Variants in SPAM1 observed in about 807,000 individuals in gnomAD.
SPAM1 encodes hyaluronidase PH-20.
In SPAM1, 22 loss-of-function variants were observed where a neutral mutation model predicts 29.6. The observed-to-expected ratio is 0.74, with a 90% CI of 0.53 to 1.06. The LOEUF is 1.06. Among genes scored for constraint, SPAM1 ranks in the 50% least tolerant of loss-of-function variants. The pLI is 0.00. For missense variants in SPAM1, 534 were observed against 604.0 expected (o/e 0.88, Z 1.21); for synonymous variants, 194 against 204.6 (o/e 0.95, Z 0.44).
intron 1 of SPAM1, among the ~76,000 whole-genome samples, chr7:123,943,748 T>C (rs943213406): frequency 4.6e-5 from 7 of 152,028 alleles, no homozygotes; most frequent in Non-Finnish European, 8.8e-5. Flanking sequence ...TATCACAAAA[T>C]AGGATTACAG....
chr7:123,959,220 T>A (rs1747396961), intron 4 of SPAM1, among the ~76,000 whole-genome samples: 1 of 151,978 alleles, frequency 6.6e-6, no homozygotes, highest in Admixed American at 6.6e-5. Context: ...ATGTTATGAA[T>A]TACAGAGGAC....
chr7:123,964,351 A>G (rs894117006), downstream of SPAM1, among the ~76,000 whole-genome samples: 3 of 152,060 alleles, frequency 2.0e-5, no homozygotes, highest in South Asian at 2.1e-4. Context: ...GGTGGAATAC[A>G]TAATTTTTAT....
intron 1 of SPAM1, among the ~76,000 whole-genome samples, chr7:123,928,662 G>C (rs1178414664): frequency 2.0e-5 from 3 of 152,152 alleles, no homozygotes; most frequent in Non-Finnish European, 2.9e-5. Flanking sequence ...GAAAAATCCA[G>C]TTCTTGATCT....
At chr7:123,930,264 A>G (rs1194060317) in intron 1 of SPAM1, among the ~76,000 whole-genome samples, 1 of 152,150 alleles carries the variant, frequency 6.6e-6, no homozygotes, top group Non-Finnish European at 1.5e-5. Flanking sequence ...GTTTTTCCAA[A>G]TCCATGGATT....
At chr7:123,940,683 T>TG (rs1159235017) in intron 1 of SPAM1, among the ~76,000 whole-genome samples, 3 of 152,020 alleles carry the variant, frequency 2.0e-5, no homozygotes, top group Non-Finnish European at 2.9e-5. Context: ...TTTTTAAACA[T>TG]GGGGGTCTTC....
At chr7:123,940,210 G>A (rs1291767841) in intron 1 of SPAM1, among the ~76,000 whole-genome samples, 2 of 151,772 alleles carry the variant, frequency 1.3e-5, no homozygotes, top group Admixed American at 1.3e-4. Context: ...GAAATTTAAA[G>A]TATATCAAGT....
At chr7:123,956,235 T>G (rs751171437) in intron 4 of SPAM1, among the ~76,000 whole-genome samples, 2 of 152,028 alleles carry the variant, frequency 1.3e-5, no homozygotes, top group African/African-American at 2.4e-5. Context: ...TTTTATATGA[T>G]TATTTTCTCC....
chr7:123,970,608 A>AATAATAATAATT (rs376690940), intron 6 of SPAM1, among the ~76,000 whole-genome samples: 2,990 of 147,184 alleles, frequency 0.02, 45 homozygotes, highest in East Asian at 0.036. Context: ...TAATAATAAT[A>AATAATAATAATT]ATTATTATTA....
At chr7:123,965,062 T>C (rs554996743) in intron 5 of SPAM1, among the ~76,000 whole-genome samples, 5 of 152,044 alleles carry the variant, frequency 3.3e-5, no homozygotes, top group Non-Finnish European at 5.9e-5. Context: ...TCTGATTTAA[T>C]TATTTTTTTT....
At chr7:123,945,555 C>A (rs1386956471) in intron 1 of SPAM1, among the ~76,000 whole-genome samples, 1 of 152,086 alleles carries the variant, frequency 6.6e-6, no homozygotes, top group Non-Finnish European at 1.5e-5. Context: ...GGAGAGCAGA[C>A]CTTTAGACCT....
At chr7:123,937,686 C>T (rs1808301054) in intron 1 of SPAM1, among the ~76,000 whole-genome samples, 2 of 150,512 alleles carry the variant, frequency 1.3e-5, no homozygotes, top group South Asian at 2.1e-4. Flanking sequence ...TTAGGAATTA[C>T]TGATGTATTT....
chr7:123,950,437 G>C (rs1403839604), intron 2 of SPAM1, among the ~76,000 whole-genome samples: 7 of 152,004 alleles, frequency 4.6e-5, no homozygotes, highest in African/African-American at 1.7e-4. Flanking sequence ...CTTTCAGAGT[G>C]CCCAGTGTCT....
intron 1 of SPAM1, among the ~76,000 whole-genome samples, chr7:123,946,427 T>C (rs1350820039): frequency 6.6e-6 from 1 of 152,060 alleles, no homozygotes; most frequent in Non-Finnish European, 1.5e-5. Context: ...CCATGCAGAG[T>C]CCCTTCCATT....
At position 123,953,890 on chromosome 7, in the gene SPAM1, G is replaced by A; in HGVS notation, c.320G>A (p.Gly107Glu). The A allele has an allele frequency of 2.5e-6, 4 of 1,613,460 alleles. No homozygotes were observed. The highest frequency in any genetic ancestry group is 3.4e-6 in the Non-Finnish European group (4 of 1,179,558). ...GYYPYIDSIT[G>E]VTVNGGIPQK... Reference sequence around the variant, plus strand: ...TATCCTTACATAGATTCAATCACAGGAGTAACTGTGAATGGAGGAATCCCC... The same window carrying A: ...TATCCTTACATAGATTCAATCACAGAAGTAACTGTGAATGGAGGAATCCCC... The change falls in exon 3 of 5, where the codon GGA becomes GAA. Residue 107 changes from glycine to glutamate, a missense_variant. Coordinates refer to ENST00000682466, the MANE Select transcript of SPAM1 (RefSeq NM_153189.3).
chr7:123,954,196 T>C lies in SPAM1; in HGVS notation c.626T>C (p.Leu209Ser). Residue 209 changes from leucine (L) to serine (S), a missense_variant, in exon 3 of 5, where the codon TTA (leucine) becomes TCA (serine). Transcript: ENST00000682466. The stretch of plus-strand genomic sequence containing the variant: ...GTAGAGACTATAAAATTGGGAAAAT[T>C]ACTTCGGCCAAATCACTTGTGGGGT... ...FLVETIKLGK[L>S]LRPNHLWGYY... is the part of the protein sequence containing the mutation. 1.2e-6 allele frequency: 2 copies of C among 1,613,574 alleles called. No individual in the cohort carries two copies. Among genetic ancestry groups the C allele is most frequent in the East Asian group, 2.2e-5 (1 of 44,848 alleles).
chr7:123,964,247 G>A (rs1792395121), downstream of SPAM1, among the ~76,000 whole-genome samples: 1 of 151,506 alleles, frequency 6.6e-6, no homozygotes, highest in Non-Finnish European at 1.5e-5. Context: ...CTCTATAAAT[G>A]TTTAAAACAT....
intron 2 of SPAM1, 75 bp from the exon 3 acceptor site, chr7:123,953,290 G>T (rs1476416209): frequency 3.2e-6 from 1 of 309,546 alleles, no homozygotes; most frequent in Non-Finnish European, 5.8e-6. Context: ...TGCACTTAAA[G>T]TTGAGAACTT....
chr7:123,934,702 C>T (rs1050735664), intron 1 of SPAM1, among the ~76,000 whole-genome samples: 16 of 152,128 alleles, frequency 1.1e-4, no homozygotes, highest in African/African-American at 3.1e-4. Flanking sequence ...CATGGATGAG[C>T]CTGGAGGACA....
chr7:123,965,892 C>T lies in SPAM1; in HGVS notation c.1486-4306C>T, dbSNP rs551923613. ...CATTGCATCTATAAATTACTTTGGG[C>T]GATATGGCCATTTTAACAATATTGA... On this transcript the variant is annotated intron_variant, in intron 5 of 6. Coordinates refer to the SPAM1 transcript ENST00000340011. Among the ~76,000 whole-genome samples, 15 of 151,806 alleles carry T rather than the reference C, an allele frequency of 9.9e-5. No individual in the cohort carries two copies. The East Asian group carries it at 1.7e-3, about 18-fold the overall frequency.
Sources: gnomAD v4.1 joint callset for allele counts (sites outside exome capture counted in the v4.1 genomes callset) on GRCh38, gnomAD v4.1.1 for gene constraint, MANE v1.5 for transcripts, NCBI Gene and HGNC (gene_info 2026-07-23, HGNC 2026-07-21) for gene names.